Variants in PTPRD observed in about 807,000 individuals in gnomAD.
PTPRD encodes the protein protein tyrosine phosphatase receptor type D.
A neutral mutation model predicts 214.5 loss-of-function variants in PTPRD; 34 were observed. That is an observed-to-expected ratio of 0.16 (90% CI 0.12 to 0.21). The LOEUF is 0.21. PTPRD is among the 10% of genes least tolerant of loss of function. The probability of loss-of-function intolerance (pLI) is 1.00; values close to 1 mark genes in which losing one functional copy is unlikely to be tolerated. For synonymous variants in PTPRD, 1,128 were observed against 845.7 expected, an observed-to-expected ratio of 1.33 and a Z score of -5.79; for missense variants, 2,545 against 2,398.7, an observed-to-expected ratio of 1.06 and a Z score of -1.27.
rs118170659 is a variant in PTPRD at position 9,864,386 on chromosome 9, G to T, written c.-368+74121C>A. The stretch of plus-strand genomic sequence containing the variant: ...ATATAGCTATGAAGTAAGAAGTTGG[G>T]AATAGAGGTCTAGAACTGAAGGAAA... On this transcript the variant is annotated intron_variant, in intron 5 of 45. Coordinates refer to ENST00000381196, the MANE Select transcript of PTPRD (RefSeq NM_002839.4). 4.2e-3 allele frequency among the ~76,000 whole-genome samples: 640 copies of T among 152,154 alleles called. 6 individuals are homozygous for T. Among genetic ancestry groups the T allele is most frequent in the Non-Finnish European group, 5.3e-3 (363 of 67,988 alleles).
intron 3 of PTPRD, among the ~76,000 whole-genome samples, chr9:10,180,579 T>C (rs1276901730): frequency 1.3e-5 from 2 of 149,714 alleles, no homozygotes; most frequent in African/African-American, 2.5e-5. Context: ...GTAATTTAAC[T>C]TTGATACCAA....
chr9:8,502,182 AAGAC>A (rs1166642684), intron 23 of PTPRD, among the ~76,000 whole-genome samples: 1 of 152,174 alleles, frequency 6.6e-6, no homozygotes, highest in Non-Finnish European at 1.5e-5. Flanking sequence ...AAATCAATAA[AAGAC>A]AGCACAATTA....
intron 8 of PTPRD, among the ~76,000 whole-genome samples, chr9:9,486,185 A>AAAAAC (rs2095628114): frequency 2.2e-5 from 3 of 136,176 alleles, no homozygotes; most frequent in Non-Finnish European, 3.2e-5. Flanking sequence ...AAAAAAAAAA[A>AAAAAC]GCCTTCCCTT....
chr9:8,848,350 T>C (rs1601778252), intron 11 of PTPRD, among the ~76,000 whole-genome samples: 2 of 148,778 alleles, frequency 1.3e-5, no homozygotes, highest in East Asian at 4.0e-4. Flanking sequence ...GTTTTTTGCT[T>C]TTTGAGACAG....
At chr9:9,688,838 A>T (rs770362229) in intron 7 of PTPRD, among the ~76,000 whole-genome samples, 9 of 151,576 alleles carry the variant, frequency 5.9e-5, no homozygotes, top group South Asian at 4.2e-4. Context: ...CCAGGCATTT[A>T]AAAAAAACAA....
At chr9:9,482,606 CAT>C (rs1285275970) in intron 8 of PTPRD, among the ~76,000 whole-genome samples, 25 of 152,146 alleles carry the variant, frequency 1.6e-4, no homozygotes, top group African/African-American at 6.0e-4. Flanking sequence ...CAGATAGAAT[CAT>C]AGTTCAGGTA....
chr9:8,766,114 G>A (rs185095244), intron 11 of PTPRD, among the ~76,000 whole-genome samples: 210 of 151,028 alleles, frequency 1.4e-3, no homozygotes, highest in Middle Eastern at 3.4e-3. Flanking sequence ...GGTGGGAAAT[G>A]TAGGCTGAAA....
intron 11 of PTPRD, among the ~76,000 whole-genome samples, chr9:8,848,510 T>A (rs1398625763): frequency 1.3e-5 from 2 of 149,086 alleles, no homozygotes; most frequent in Non-Finnish European, 3.0e-5. Flanking sequence ...AAATATTTTT[T>A]TTTTTTTTTT....
intron 8 of PTPRD, among the ~76,000 whole-genome samples, chr9:9,462,300 T>C (rs994583411): frequency 6.6e-6 from 1 of 152,134 alleles, no homozygotes; most frequent in African/African-American, 2.4e-5. Context: ...GGCAGTGAAC[T>C]ATGCAGCCAA....
intron 35 of PTPRD, among the ~76,000 whole-genome samples, chr9:8,410,460 TTA>T (rs1163186074): frequency 6.6e-6 from 1 of 150,654 alleles, no homozygotes; most frequent in Non-Finnish European, 1.5e-5. Flanking sequence ...TCATTTTCTC[TTA>T]TCTCTCTTTG....
chr9:9,491,593 T>C (rs944447446), intron 8 of PTPRD, among the ~76,000 whole-genome samples: 12 of 152,128 alleles, frequency 7.9e-5, no homozygotes, highest in Admixed American at 2.0e-4. Context: ...CAAGTGTATC[T>C]TCAAACCACA....
intron 10 of PTPRD, among the ~76,000 whole-genome samples, chr9:9,040,565 A>G (rs894520562): frequency 4.0e-5 from 5 of 126,406 alleles, no homozygotes; most frequent in African/African-American, 1.4e-4. Flanking sequence ...TTCATAAATA[A>G]CAGTTCCCGA....
At chr9:8,504,849 T>A (rs1244042663) in intron 22 of PTPRD, among the ~76,000 whole-genome samples, 2 of 152,280 alleles carry the variant, frequency 1.3e-5, no homozygotes, top group Non-Finnish European at 2.9e-5. Context: ...CCTTCTGAAA[T>A]CTCAATTGGA....
intron 11 of PTPRD, among the ~76,000 whole-genome samples, chr9:8,912,541 G>A (rs114339628): frequency 0.017 from 2,544 of 152,140 alleles, 82 homozygotes; most frequent in African/African-American, 0.058. Flanking sequence ...CTTTTGGGGT[G>A]GTGGGAATGC....
intron 2 of PTPRD, among the ~76,000 whole-genome samples, chr9:10,430,662 T>C (rs893944362): frequency 1.3e-5 from 2 of 151,922 alleles, no homozygotes; most frequent in Non-Finnish European, 2.9e-5. Context: ...GCAAATTAAT[T>C]ATGCCTGAGT....
At chr9:8,930,967 G>T (rs200952532) in intron 11 of PTPRD, among the ~76,000 whole-genome samples, 7 of 151,996 alleles carry the variant, frequency 4.6e-5, no homozygotes, top group African/African-American at 1.7e-4. Flanking sequence ...TTAGTTTAAT[G>T]AGATCCCATT....
intron 2 of PTPRD, among the ~76,000 whole-genome samples, chr9:10,536,964 A>T (rs2057951331): frequency 6.6e-6 from 1 of 152,188 alleles, no homozygotes; most frequent in Admixed American, 6.6e-5. Context: ...AGGTAATTCA[A>T]ATGAAAGCTT....
At chr9:9,313,509 T>A (rs998341787) in intron 9 of PTPRD, among the ~76,000 whole-genome samples, 1 of 152,164 alleles carries the variant, frequency 6.6e-6, no homozygotes, top group Non-Finnish European at 1.5e-5. Context: ...CTGGTAGGAA[T>A]CATCTAATGA....
At chr9:9,584,286 G>T (rs988110416) in intron 7 of PTPRD, among the ~76,000 whole-genome samples, 1 of 151,464 alleles carries the variant, frequency 6.6e-6, no homozygotes, top group Non-Finnish European at 1.5e-5. Flanking sequence ...TTTAGATGAT[G>T]CTTCATAAAC....
Sources: gnomAD v4.1 joint callset for allele counts (sites outside exome capture counted in the v4.1 genomes callset) on GRCh38, gnomAD v4.1.1 for gene constraint, MANE v1.5 for transcripts, NCBI Gene and HGNC (gene_info 2026-07-23, HGNC 2026-07-21) for gene names.